Variants in AGAP3 observed in about 807,000 individuals in gnomAD.
The protein encoded by AGAP3 is arf-GAP with GTPase, ANK repeat and PH domain-containing protein 3.
A neutral mutation model predicts 96.9 loss-of-function variants in AGAP3; 24 were observed. That is an observed-to-expected ratio of 0.25 (90% CI 0.18 to 0.35). AGAP3 has a LOEUF of 0.35. Among genes scored for constraint, AGAP3 ranks in the 10% least tolerant of loss-of-function variants. The pLI is 1.00. For synonymous variants in AGAP3, 563 were observed against 536.1 expected, an observed-to-expected ratio of 1.05 and a Z score of -0.69; for missense variants, 876 against 1,254.2, an observed-to-expected ratio of 0.70 and a Z score of 4.55.
At chr7:151,129,816 C>G (rs770678545) in intron 10 of AGAP3, among the ~76,000 whole-genome samples, 3 of 152,116 alleles carry the variant, frequency 2.0e-5, no homozygotes, top group Non-Finnish European at 2.9e-5. Context: ...TCGTAGGAGG[C>G]CAAAGGGCGC....
chr7:151,107,773 T>C (rs1330570868), intron 1 of AGAP3, among the ~76,000 whole-genome samples: 1 of 152,244 alleles, frequency 6.6e-6, no homozygotes, highest in Admixed American at 6.5e-5. Flanking sequence ...GGACTGCAGC[T>C]GGCCTGCCTG....
chr7:151,104,723 G>A (rs1468860798), intron 1 of AGAP3, among the ~76,000 whole-genome samples: 1 of 152,194 alleles, frequency 6.6e-6, no homozygotes, highest in African/African-American at 2.4e-5. Flanking sequence ...GAAAAGTAAC[G>A]GCGTTATCCA....
intron 7 of AGAP3, among the ~76,000 whole-genome samples, chr7:151,119,556 G>A (rs776399804): frequency 3.3e-5 from 5 of 152,192 alleles, no homozygotes; most frequent in South Asian, 4.1e-4. Flanking sequence ...TCCGGCTCCC[G>A]CCTCCTGGCC....
At chr7:151,120,467 A>C (rs1457725789) in intron 8 of AGAP3, 2 of 655,236 alleles carry the variant, frequency 3.1e-6, no homozygotes, top group Non-Finnish European at 5.4e-6. Context: ...TGAGCTTGAA[A>C]GTATCCTTGG....
chr7:151,126,988 A>T lies in AGAP3; in HGVS notation c.1222-1592A>T, dbSNP rs114382497. Among the ~76,000 whole-genome samples the T allele has an allele frequency of 8.6e-3, 1,312 of 152,284 alleles. 16 individuals are homozygous for T. The highest frequency in any genetic ancestry group is 0.03 in the African/African-American group (1,234 of 41,546). ...GTGTGGCCGGAGGAGGAGCAGCAAG[A>T]ATGTGAAACGTGCTGGAAAGTCAGC... is the stretch of plus-strand genomic sequence containing the variant. On this transcript the variant is annotated intron_variant, in intron 9 of 17. Transcript: ENST00000397238.
rs1799476116 is a variant in AGAP3 at position 151,114,921 on chromosome 7, AGTGAGCAGCCGGCGC to A, written c.332-1870_332-1856del. 3 of 988,208 alleles carry A rather than the reference AGTGAGCAGCCGGCGC, an allele frequency of 3.0e-6. No individual in the cohort carries two copies. The highest frequency in any genetic ancestry group is 1.8e-5 in the African/African-American group (1 of 56,548). The allele number at this position is 988,208 out of a possible 1,614,324, so 61.2% of individuals were successfully genotyped here. A position where few individuals can be genotyped will look rare whatever the true frequency, so the allele number is the denominator to read the frequency against. The stretch of plus-strand genomic sequence containing the variant: ...CCTGCAGGCCGCCCTCTGCGCCGCC[AGTGAGCAGCCGGCGC>A]GGCCGCGGAGCGTGTGCTCGGGCGG... On this transcript the variant is annotated intron_variant, in intron 1 of 17. Coordinates refer to ENST00000397238, the MANE Select transcript of AGAP3 (RefSeq NM_031946.7). This position sits in a 1 kb window ranked among gnomAD's most constrained non-coding sequence, Gnocchi z 4.4.
chr7:151,109,375 T>C (rs547487187), intron 1 of AGAP3, among the ~76,000 whole-genome samples: 2 of 152,158 alleles, frequency 1.3e-5, no homozygotes, highest in South Asian at 4.1e-4. Flanking sequence ...TGTGTCACAG[T>C]TGTGGAGGCC....
At chr7:151,126,421 AG>A (rs751614222) in intron 9 of AGAP3, among the ~76,000 whole-genome samples, 47,584 of 142,256 alleles carry the variant, frequency 0.33, 8,586 homozygotes, top group African/African-American at 0.45. Context: ...GAAGGCTGGG[AG>A]AGGCTGGGAG....
intron 1 of AGAP3, among the ~76,000 whole-genome samples, chr7:151,094,906 G>C (rs1274151740): frequency 6.9e-6 from 1 of 144,060 alleles, no homozygotes; most frequent in East Asian, 2.1e-4. Flanking sequence ...TCAGAATATT[G>C]GTCTGTCACC....
chr7:151,092,404 G>A (rs1228566882), intron 1 of AGAP3, among the ~76,000 whole-genome samples: 1 of 152,230 alleles, frequency 6.6e-6, no homozygotes, highest in African/African-American at 2.4e-5. Context: ...CTGGAAATTA[G>A]TTTAATCTGA....
intron 9 of AGAP3, among the ~76,000 whole-genome samples, chr7:151,125,866 T>C (rs948281488): frequency 6.6e-6 from 1 of 152,198 alleles, no homozygotes; most frequent in Non-Finnish European, 1.5e-5. Flanking sequence ...CGGGAACGGG[T>C]CCTCTGGGGG....
intron 9 of AGAP3, among the ~76,000 whole-genome samples, chr7:151,126,948 T>C (rs2150505296): frequency 6.6e-6 from 1 of 152,322 alleles, no homozygotes; most frequent in Non-Finnish European, 1.5e-5. Context: ...CCTCCAGCAA[T>C]GGCATTTGGC....
At chr7:151,088,841 A>T (rs1798261434) in intron 1 of AGAP3, among the ~76,000 whole-genome samples, 1 of 152,090 alleles carries the variant, frequency 6.6e-6, no homozygotes, top group South Asian at 2.1e-4. Flanking sequence ...TTAACACAAC[A>T]GGCAGAATTT....
At chr7:151,098,095 A>G (rs899394863) in intron 1 of AGAP3, among the ~76,000 whole-genome samples, 2 of 152,186 alleles carry the variant, frequency 1.3e-5, no homozygotes, top group Non-Finnish European at 2.9e-5. Context: ...GCGGTGGCTC[A>G]CACCTGTAAT....
chr7:151,086,903 C>A lies in AGAP3; in HGVS notation c.162C>A (p.Ala54=). 6.8e-7 allele frequency: 1 copy of A among 1,467,992 alleles called. No individual in the cohort carries two copies. Among genetic ancestry groups the A allele is most frequent in the South Asian group, 1.4e-5 (1 of 70,720 alleles). 90.9% of individuals were successfully genotyped at this position (1,467,992 alleles called of 1,614,324 possible). ...GCGGCGGCCCCTCGCAGCAGCTGGC[C>A]GGCGGGCCCCCCCAGCAGTTCGCGC... is the stretch of plus-strand genomic sequence containing the variant. The part of the protein sequence containing the change: ...GGGGGPSQQL[A]GGPPQQFALS... The change falls in exon 1 of 18, where the codon GCC becomes GCA. Residue 54 remains alanine (A), a synonymous_variant. Coordinates refer to ENST00000397238, the MANE Select transcript of AGAP3 (RefSeq NM_031946.7).
chr7:151,097,377 C>A (rs1798647798), intron 1 of AGAP3, among the ~76,000 whole-genome samples: 2 of 151,554 alleles, frequency 1.3e-5, no homozygotes, highest in Non-Finnish European at 2.9e-5. Flanking sequence ...CTAAAAAATA[C>A]AAAAATTAGC....
upstream of AGAP3, chr7:151,085,942 G>A (rs1352398615): frequency 1.3e-5 from 2 of 152,304 alleles, no homozygotes; most frequent in East Asian, 3.9e-4. Context: ...CGGCAGCAGG[G>A]TGGTCTCTAG....
chr7:151,097,666 G>A (rs1250537060), intron 1 of AGAP3, among the ~76,000 whole-genome samples: 5 of 152,080 alleles, frequency 3.3e-5, no homozygotes, highest in African/African-American at 1.2e-4. Context: ...GCAGGAATAG[G>A]AAGTCACATG....
intron 10 of AGAP3, among the ~76,000 whole-genome samples, chr7:151,130,471 AC>A (rs1313193421): frequency 6.6e-6 from 1 of 152,034 alleles, no homozygotes; most frequent in Non-Finnish European, 1.5e-5. Context: ...TGCCAAGAGC[AC>A]CTCCCTCTGG....
Sources: allele counts gnomAD v4.1 joint callset (sites outside exome capture counted in the v4.1 genomes callset), GRCh38; gene constraint gnomAD v4.1.1; non-coding constraint Gnocchi (gnomAD v3.1); transcripts MANE v1.5; gene names NCBI Gene and HGNC (gene_info 2026-07-23, HGNC 2026-07-21).